The following ACBD6 variants were observed in gnomAD, a reference collection of about 807,000 sequenced individuals.
ACBD6 encodes the protein acyl-CoA binding domain containing 6.
A neutral mutation model predicts 37.2 loss-of-function variants in ACBD6; 28 were observed. That is an observed-to-expected ratio of 0.75 (90% CI 0.56 to 1.03). ACBD6 has a LOEUF of 1.03. Ranked by LOEUF, ACBD6 falls within the 50% of genes least tolerant of loss-of-function variation. The pLI, the probability that ACBD6 is intolerant of heterozygous loss-of-function variation, is 0.00. For missense variants in ACBD6, 340 were observed against 337.4 expected, an observed-to-expected ratio of 1.01 and a Z score of -0.06; for synonymous variants, 113 against 126.8, an observed-to-expected ratio of 0.89 and a Z score of 0.73.
At chr1:180,490,937 G>A (rs940824954) in intron 3 of ACBD6, among the ~76,000 whole-genome samples, 2 of 136,710 alleles carry the variant, frequency 1.5e-5, no homozygotes, top group Admixed American at 1.6e-4. Flanking sequence ...CAGTCTGAGT[G>A]ATAGAGTGAG....
chr1:180,492,276 T>C lies in ACBD6; in HGVS notation c.377A>G (p.Asn126Ser). Residue 126 changes from asparagine to serine, a missense_variant, in exon 3 of 8, where the codon AAT (asparagine) becomes AGT (serine). Physicochemically the swap from Asn to Ser is conservative, Grantham distance 46 (BLOSUM62 1). Coordinates refer to ENST00000367595, the MANE Select transcript of ACBD6 (RefSeq NM_032360.4). ...ATAATCATTAAGTCTTACCTGAGGA[T>C]TCCAACCTGGATCTAGTTTTTTAAC... ...AVVKKLDPGW[N>S]PQIPEKKGKE... 6.2e-7 allele frequency: 1 copy of C among 1,613,542 alleles called. No homozygotes were observed. The highest frequency in any genetic ancestry group is 1.1e-5 in the South Asian group (1 of 91,074).
intron 3 of ACBD6, among the ~76,000 whole-genome samples, chr1:180,441,844 C>T (rs1223621971): frequency 1.3e-5 from 2 of 152,104 alleles, no homozygotes; most frequent in Non-Finnish European, 2.9e-5. Flanking sequence ...TTTTTATTTC[C>T]TCCTTTCCAA....
At chr1:180,439,295 T>G (rs1259168386) in intron 3 of ACBD6, among the ~76,000 whole-genome samples, 1 of 151,950 alleles carries the variant, frequency 6.6e-6, no homozygotes, top group South Asian at 2.1e-4. Flanking sequence ...CTACTAAGAC[T>G]GGGGAGGGGC....
At chr1:180,459,908 G>A (rs572433070) in intron 3 of ACBD6, among the ~76,000 whole-genome samples, 1 of 151,486 alleles carries the variant, frequency 6.6e-6, no homozygotes, top group African/African-American at 2.4e-5. Context: ...ACCATTTAGG[G>A]ATGGAAGCAG....
chr1:180,485,584 A>G, intron 3 of ACBD6, among the ~76,000 whole-genome samples: 1 of 152,222 alleles, frequency 6.6e-6, no homozygotes, highest in Non-Finnish European at 1.5e-5. Context: ...TGGAAGAGGC[A>G]AGAAATGATT....
chr1:180,463,483 T>C (rs908797506), intron 3 of ACBD6, among the ~76,000 whole-genome samples: 4 of 151,934 alleles, frequency 2.6e-5, no homozygotes, highest in African/African-American at 9.7e-5. Flanking sequence ...TGAACACATA[T>C]ACTCTCCCCA....
chr1:180,434,769 C>A (rs189085231), intron 3 of ACBD6: 4 of 639,900 alleles, frequency 6.3e-6, no homozygotes, highest in Non-Finnish European at 1.2e-5. Flanking sequence ...TAGCCGCAAC[C>A]GAGCCTGCTG....
At chr1:180,474,764 T>A (rs1650716242) in intron 3 of ACBD6, among the ~76,000 whole-genome samples, 1 of 152,248 alleles carries the variant, frequency 6.6e-6, no homozygotes, top group Non-Finnish European at 1.5e-5. Context: ...CACCTACTTT[T>A]GTACCAGTGT....
intron 5 of ACBD6, among the ~76,000 whole-genome samples, chr1:180,408,199 TACAC>T (rs1558286778): frequency 6.6e-6 from 1 of 152,212 alleles, no homozygotes. Context: ...AGCTGACTGA[TACAC>T]ACAAGTACAA....
chr1:180,417,783 T>C (rs754381336), intron 4 of ACBD6, among the ~76,000 whole-genome samples: 4 of 152,120 alleles, frequency 2.6e-5, no homozygotes, highest in Non-Finnish European at 4.4e-5. Context: ...TGAAGTTCCT[T>C]TGGAGGTAGT....
chr1:180,501,942 G>T, intron 1 of ACBD6, 103 bp downstream of exon 1: 9 of 1,070,236 alleles, frequency 8.4e-6, no homozygotes, highest in Non-Finnish European at 1.3e-5. Context: ...ACATACACAA[G>T]CTTCATTACA....
intron 3 of ACBD6, chr1:180,434,820 T>C: frequency 2.7e-6 from 2 of 727,750 alleles, no homozygotes; most frequent in Non-Finnish European, 2.6e-6. Flanking sequence ...CACCCACGAA[T>C]GCCAATCTTG....
At position 180,274,571 on chromosome 1, in the gene ACBD6, C is replaced by A. The variant is rs145433128; in HGVS notation, c.*936+80G>T. ...TTGGCTCGATGAAATGGATCATCCT[C>A]CTTTTTAAACTTCTCTCCTCCCCAC... is the stretch of plus-strand genomic sequence containing the variant. On this transcript the variant is annotated intron_variant, in intron 10 of 13. Coordinates refer to the ACBD6 transcript ENST00000642319. The A allele has an allele frequency of 7.5e-5, 118 of 1,573,020 alleles. No individual in the cohort carries two copies. In the East Asian group the frequency reaches 1.8e-3, roughly 24 times the overall value.
At chr1:180,463,637 G>C (rs1022432965) in intron 3 of ACBD6, among the ~76,000 whole-genome samples, 3 of 152,084 alleles carry the variant, frequency 2.0e-5, no homozygotes, top group Non-Finnish European at 2.9e-5. Context: ...ACAAAGAAGA[G>C]CTGGTACCAT....
intron 7 of ACBD6, among the ~76,000 whole-genome samples, chr1:180,298,938 AG>A (rs1386849829): frequency 6.6e-6 from 1 of 152,218 alleles, no homozygotes; most frequent in Non-Finnish European, 1.5e-5. Flanking sequence ...GGCCACTTGC[AG>A]TATCTGTTGG....
chr1:180,478,058 G>A (rs1010053105), intron 3 of ACBD6, among the ~76,000 whole-genome samples: 2 of 151,964 alleles, frequency 1.3e-5, no homozygotes, highest in Middle Eastern at 3.4e-3. Flanking sequence ...AATAAATTTA[G>A]ATCACCATAT....
intron 6 of ACBD6, among the ~76,000 whole-genome samples, chr1:180,342,659 A>G (rs543857220): frequency 1.3e-5 from 2 of 152,074 alleles, no homozygotes; most frequent in Non-Finnish European, 2.9e-5. Flanking sequence ...TCTCTATAAA[A>G]TCTTTATTCT....
At chr1:180,435,976 A>G (rs931506062) in intron 3 of ACBD6, 2 of 1,035,768 alleles carry the variant, frequency 1.9e-6, no homozygotes, top group Non-Finnish European at 3.0e-6. Context: ...ATTTTAAACT[A>G]TTTTGCAGCA....
chr1:180,473,731 C>T (rs749587368), intron 3 of ACBD6, among the ~76,000 whole-genome samples: 1 of 152,016 alleles, frequency 6.6e-6, no homozygotes, highest in Non-Finnish European at 1.5e-5. Flanking sequence ...TAAGTTATTG[C>T]TAATACCATC....
Sources: gnomAD v4.1 joint callset for allele counts (sites outside exome capture counted in the v4.1 genomes callset) on GRCh38, gnomAD v4.1.1 for gene constraint, MANE v1.5 for transcripts, NCBI Gene and HGNC (gene_info 2026-07-23, HGNC 2026-07-21) for gene names.